The following LRMDA variants were observed in gnomAD, a reference collection of about 807,000 sequenced individuals.
LRMDA encodes the protein leucine-rich melanocyte differentiation-associated protein.
In LRMDA, 18 loss-of-function variants were observed where a neutral mutation model predicts 29.8. That is an observed-to-expected ratio of 0.60 (90% CI 0.42 to 0.90). LRMDA has a LOEUF of 0.90. Among genes scored for constraint, LRMDA ranks in the 40% least tolerant of loss-of-function variants. LRMDA has a pLI of 0.00. For missense variants in LRMDA, 273 were observed against 273.9 expected (o/e 1.00, Z 0.02); for synonymous variants, 125 against 109.4 (o/e 1.14, Z -0.89).
intron 6 of LRMDA, among the ~76,000 whole-genome samples, chr10:76,535,416 G>T (rs536651651): frequency 6.6e-6 from 1 of 151,714 alleles, no homozygotes. Flanking sequence ...TGCAGAAGAT[G>T]CGTTGGCCTA....
intron 5 of LRMDA, among the ~76,000 whole-genome samples, chr10:76,282,117 G>A (rs981393001): frequency 2.0e-5 from 3 of 152,072 alleles, no homozygotes; most frequent in African/African-American, 4.8e-5. Flanking sequence ...TAAATCTGTC[G>A]GCAGCTGGTC....
At chr10:76,219,658 T>A (rs1196877203) in intron 5 of LRMDA, among the ~76,000 whole-genome samples, 4 of 152,076 alleles carry the variant, frequency 2.6e-5, no homozygotes, top group Admixed American at 1.3e-4. Context: ...CTCCCACACG[T>A]TAATAATGGG....
intron 5 of LRMDA, among the ~76,000 whole-genome samples, chr10:76,247,714 G>C (rs142143722): frequency 6.6e-6 from 1 of 152,086 alleles, no homozygotes; most frequent in African/African-American, 2.4e-5. Flanking sequence ...TTGAATGGGG[G>C]CTTGACCTTG....
chr10:75,808,187 A>T (rs1843891706), intron 2 of LRMDA, among the ~76,000 whole-genome samples: 1 of 152,162 alleles, frequency 6.6e-6, no homozygotes, highest in South Asian at 2.1e-4. Flanking sequence ...CTGGAGAAAT[A>T]CATATGTGTC....
At chr10:75,779,092 AT>A (rs1472600604) in intron 2 of LRMDA, among the ~76,000 whole-genome samples, 2 of 152,202 alleles carry the variant, frequency 1.3e-5, no homozygotes, top group African/African-American at 4.8e-5. Context: ...AATAAGTAAT[AT>A]TTTAAAGTAT....
intron 5 of LRMDA, among the ~76,000 whole-genome samples, chr10:76,162,933 A>C (rs1288108344): frequency 1.3e-5 from 2 of 152,138 alleles, no homozygotes; most frequent in African/African-American, 4.8e-5. Flanking sequence ...AAAATGAAAA[A>C]TCTCCCAAAG....
chr10:75,598,402 G>T (rs553784775), intron 2 of LRMDA, among the ~76,000 whole-genome samples: 1 of 152,102 alleles, frequency 6.6e-6, no homozygotes, highest in South Asian at 2.1e-4. Context: ...GAGAGTCGTC[G>T]TGTCCCTAGC....
At chr10:76,393,667 G>A (rs895945156) in intron 6 of LRMDA, among the ~76,000 whole-genome samples, 20 of 152,166 alleles carry the variant, frequency 1.3e-4, no homozygotes, top group African/African-American at 4.3e-4. Flanking sequence ...TTAGTTTGAT[G>A]TAATCCCAAT....
chr10:76,341,989 G>A (rs1409740333), intron 6 of LRMDA, among the ~76,000 whole-genome samples: 1 of 152,186 alleles, frequency 6.6e-6, no homozygotes, highest in Admixed American at 6.5e-5. Flanking sequence ...GACTCTGCCT[G>A]TTCATGGGGA....
intron 2 of LRMDA, among the ~76,000 whole-genome samples, chr10:75,906,093 C>G (rs868327630): frequency 6.6e-6 from 1 of 151,864 alleles, no homozygotes; most frequent in African/African-American, 2.4e-5. Flanking sequence ...GAGGAAGACT[C>G]TCCCCTGCCT....
chr10:76,354,057 G>A (rs1841210193), intron 6 of LRMDA, among the ~76,000 whole-genome samples: 1 of 152,128 alleles, frequency 6.6e-6, no homozygotes, highest in Non-Finnish European at 1.5e-5. Flanking sequence ...AGGAAACTGT[G>A]TTCCTGCCTT....
chr10:75,502,451 G>A (rs1845123374), intron 2 of LRMDA, among the ~76,000 whole-genome samples: 1 of 151,752 alleles, frequency 6.6e-6, no homozygotes, highest in Non-Finnish European at 1.5e-5. Context: ...TGATCTCTGA[G>A]TTGAATTAAT....
At chr10:76,017,843 C>T (rs1020268963) in intron 2 of LRMDA, among the ~76,000 whole-genome samples, 2 of 152,150 alleles carry the variant, frequency 1.3e-5, no homozygotes, top group Non-Finnish European at 2.9e-5. Context: ...AAGTTCAGGG[C>T]CCCTGAGAGC....
At chr10:76,194,083 T>C (rs2132224968) in intron 5 of LRMDA, among the ~76,000 whole-genome samples, 1 of 152,310 alleles carries the variant, frequency 6.6e-6, no homozygotes, top group African/African-American at 2.4e-5. Context: ...CAGTATTGCT[T>C]GAGCAACATT....
chr10:76,253,627 T>C (rs573777988), intron 5 of LRMDA, among the ~76,000 whole-genome samples: 41 of 152,296 alleles, frequency 2.7e-4, no homozygotes, highest in Admixed American at 2.2e-3. Context: ...TCATATATCA[T>C]ATATTTAACA....
chr10:75,780,078 G>T (rs550607975), intron 2 of LRMDA, among the ~76,000 whole-genome samples: 1 of 152,128 alleles, frequency 6.6e-6, no homozygotes, highest in Non-Finnish European at 1.5e-5. Context: ...TGGTTAAGCC[G>T]GAGCCACCAG....
At chr10:76,339,311 T>TATAG (rs1263648652) in intron 6 of LRMDA, among the ~76,000 whole-genome samples, 2 of 149,440 alleles carry the variant, frequency 1.3e-5, no homozygotes, top group Non-Finnish European at 3.0e-5. Flanking sequence ...GAAAAAGAAC[T>TATAG]ATAGACTACA....
At chr10:76,355,358 T>C (rs956775085) in intron 6 of LRMDA, among the ~76,000 whole-genome samples, 1 of 152,128 alleles carries the variant, frequency 6.6e-6, no homozygotes, top group African/African-American at 2.4e-5. Context: ...TTAAAGAAAT[T>C]GTAAGAAGCA....
intron 4 of LRMDA, among the ~76,000 whole-genome samples, chr10:76,050,496 G>A (rs779818178): frequency 2.0e-5 from 3 of 152,222 alleles, no homozygotes; most frequent in Non-Finnish European, 4.4e-5. Flanking sequence ...ATTCATCATA[G>A]TTCATGGCTG....
Sources: gnomAD v4.1 joint callset for allele counts (sites outside exome capture counted in the v4.1 genomes callset) on GRCh38, gnomAD v4.1.1 for gene constraint, MANE v1.5 for transcripts, NCBI Gene and HGNC (gene_info 2026-07-23, HGNC 2026-07-21) for gene names.